Variants in TANC1 observed in about 807,000 individuals in gnomAD.
TANC1 encodes protein TANC1.
A neutral mutation model predicts 149.7 loss-of-function variants in TANC1; 77 were observed. That is an observed-to-expected ratio of 0.51 (90% CI 0.43 to 0.62). The LOEUF is 0.62. Ranked by LOEUF, TANC1 falls within the 20% of genes least tolerant of loss-of-function variation. The pLI is 0.00. For missense variants in TANC1, 1,985 were observed against 2,321.8 expected (o/e 0.85, Z 2.98); for synonymous variants, 854 against 925.0 (o/e 0.92, Z 1.39).
intron 8 of TANC1, among the ~76,000 whole-genome samples, chr2:159,168,403 G>A (rs893270964): frequency 1.3e-5 from 2 of 150,304 alleles, no homozygotes; most frequent in Non-Finnish European, 3.0e-5. Flanking sequence ...AGGTTTAAGC[G>A]ATTCTCCTGC....
chr2:159,130,539 G>A (rs2049966687), intron 4 of TANC1, among the ~76,000 whole-genome samples: 1 of 152,172 alleles, frequency 6.6e-6, no homozygotes, highest in Non-Finnish European at 1.5e-5. Flanking sequence ...AGGTGGTCAT[G>A]TGTGATTGGC....
At chr2:159,079,553 G>A (rs949585612) in intron 3 of TANC1, among the ~76,000 whole-genome samples, 3 of 152,078 alleles carry the variant, frequency 2.0e-5, no homozygotes, top group African/African-American at 4.8e-5. Context: ...GGCTGCTTGG[G>A]TTCACCTGCA....
At chr2:159,064,268 C>A (rs1190252216) in intron 2 of TANC1, among the ~76,000 whole-genome samples, 7 of 152,114 alleles carry the variant, frequency 4.6e-5, no homozygotes, top group Admixed American at 4.6e-4. Flanking sequence ...AGTGTTTGCC[C>A]TTTAGGTGAA....
intron 1 of TANC1, among the ~76,000 whole-genome samples, chr2:158,977,650 C>A (rs557744255): frequency 6.6e-6 from 1 of 150,630 alleles, no homozygotes; most frequent in Non-Finnish European, 1.5e-5. Flanking sequence ...CCTGCGTGAT[C>A]AAAAAAGCTT....
At chr2:159,160,350 A>T (rs1302005121) in intron 7 of TANC1, among the ~76,000 whole-genome samples, 5 of 151,992 alleles carry the variant, frequency 3.3e-5, no homozygotes, top group African/African-American at 1.2e-4. Context: ...TTTTTTTTTA[A>T]GTCATCACAG....
chr2:159,137,978 A>G (rs2050944750), intron 5 of TANC1, among the ~76,000 whole-genome samples: 1 of 152,156 alleles, frequency 6.6e-6, no homozygotes, highest in African/African-American at 2.4e-5. Context: ...AATAGTTCCT[A>G]TTGTTAACTT....
intron 2 of TANC1, among the ~76,000 whole-genome samples, chr2:159,019,327 C>A (rs1481181922): frequency 1.3e-5 from 2 of 152,182 alleles, no homozygotes; most frequent in South Asian, 2.1e-4. Flanking sequence ...AGATTCTGCA[C>A]CGGTAGTTGC....
At chr2:159,224,570 A>C in intron 23 of TANC1, 1 of 599,304 alleles carries the variant, frequency 1.7e-6, no homozygotes, top group East Asian at 3.0e-5. Flanking sequence ...TGGAAAGCAG[A>C]GGCTGGTGTT....
chr2:159,060,420 G>A (rs2042155974), intron 2 of TANC1, among the ~76,000 whole-genome samples: 1 of 152,156 alleles, frequency 6.6e-6, no homozygotes. Context: ...TTCAGATGTG[G>A]ATATGAAGAG....
chr2:159,085,081 G>A (rs1007169707), intron 3 of TANC1, among the ~76,000 whole-genome samples: 3 of 152,210 alleles, frequency 2.0e-5, no homozygotes, highest in African/African-American at 7.2e-5. Flanking sequence ...AAAACCTCAT[G>A]AATGGCTTGG....
chr2:159,123,218 A>C (rs188062825), intron 4 of TANC1, among the ~76,000 whole-genome samples: 18 of 152,214 alleles, frequency 1.2e-4, no homozygotes, highest in Non-Finnish European at 1.3e-4. Context: ...GGGGCTGAAG[A>C]ATTTCCTTCA....
chr2:159,208,117 C>T (rs1292974961), intron 19 of TANC1, among the ~76,000 whole-genome samples: 1 of 152,150 alleles, frequency 6.6e-6, no homozygotes, highest in African/African-American at 2.4e-5. Flanking sequence ...TCAAAAGGTT[C>T]TTAACAAGAT....
chr2:159,216,482 TG>T (rs2150906030), intron 19 of TANC1, among the ~76,000 whole-genome samples: 1 of 152,278 alleles, frequency 6.6e-6, no homozygotes, highest in Admixed American at 6.5e-5. Context: ...CATCCTGGCC[TG>T]GGGTTGTTTC....
intron 4 of TANC1, among the ~76,000 whole-genome samples, chr2:159,098,430 G>A (rs916875321): frequency 2.0e-5 from 3 of 152,124 alleles, no homozygotes; most frequent in African/African-American, 7.2e-5. Context: ...ACCTAATGAC[G>A]CCTGTCTCAG....
At chr2:159,133,794 C>T (rs976621536) in intron 4 of TANC1, among the ~76,000 whole-genome samples, 4 of 152,092 alleles carry the variant, frequency 2.6e-5, no homozygotes, top group African/African-American at 9.7e-5. Flanking sequence ...TGAAGACCGC[C>T]AAGTGATTAA....
intron 3 of TANC1, among the ~76,000 whole-genome samples, chr2:159,092,144 A>G (rs969864416): frequency 1.3e-5 from 2 of 152,140 alleles, no homozygotes; most frequent in Non-Finnish European, 2.9e-5. Flanking sequence ...TTCTTTTTCT[A>G]TTCTAAGCTT....
chr2:159,115,108 G>T (rs575215164), intron 4 of TANC1, among the ~76,000 whole-genome samples: 3 of 152,132 alleles, frequency 2.0e-5, no homozygotes, highest in Non-Finnish European at 4.4e-5. Flanking sequence ...AGACATTGAG[G>T]TGTCTACAAA....
chr2:159,163,047 C>G lies in TANC1; in HGVS notation c.683-236C>G, dbSNP rs578192675. On this transcript the variant is annotated intron_variant, in intron 7 of 26. Transcript: ENST00000263635. ...TTAGACAATTTTTTTCATTATCTTCCTATCAGAGTTTCTCCCTCGCTCCTC... is the reference window on the plus strand; with the variant it reads ...TTAGACAATTTTTTTCATTATCTTCGTATCAGAGTTTCTCCCTCGCTCCTC... Among the ~76,000 whole-genome samples, 6 of 152,278 alleles carry G rather than the reference C, an allele frequency of 3.9e-5. No homozygotes were observed. In the South Asian group the frequency reaches 1.0e-3, roughly 26 times the overall value.
At chr2:159,152,747 G>A (rs2052987448) in intron 7 of TANC1, among the ~76,000 whole-genome samples, 1 of 152,184 alleles carries the variant, frequency 6.6e-6, no homozygotes, top group Admixed American at 6.5e-5. Context: ...GCCTCCCAAA[G>A]TACTGTGATT....
Sources: gnomAD v4.1 joint callset for allele counts (sites outside exome capture counted in the v4.1 genomes callset) on GRCh38, gnomAD v4.1.1 for gene constraint, MANE v1.5 for transcripts, NCBI Gene and HGNC (gene_info 2026-07-23, HGNC 2026-07-21) for gene names.